Variants in SUPT3H observed in about 807,000 individuals in gnomAD.
SUPT3H encodes SPT3 homolog, SAGA and STAGA complex component.
Under a neutral mutation model 44.3 loss-of-function variants are expected in SUPT3H, and 44 were observed. The observed-to-expected ratio is 0.99, with a 90% CI of 0.78 to 1.28. The LOEUF (loss-of-function observed/expected upper bound fraction) is 1.28, where lower values mean the gene tolerates loss of function less well. Ranked by LOEUF, SUPT3H falls within the 50% of genes most tolerant of loss-of-function variation. The pLI is 0.00. For synonymous variants in SUPT3H, 124 were observed against 125.6 expected (o/e 0.99, Z 0.09); for missense variants, 380 against 387.1 (o/e 0.98, Z 0.15).
In SUPT3H at chr6:45,321,672, G is replaced by A. The variant is rs528426780; in HGVS notation, c.101+43529C>T. On this transcript the variant is annotated intron_variant, in intron 2 of 10. Transcript: ENST00000371459. The stretch of plus-strand genomic sequence containing the variant: ...ACCAATCAAGTTTCACATGCATGTT[G>A]ATTTCTGACAGGTAAGCACCAGATC... The A allele has an allele frequency of 8.9e-6, 6 of 675,874 alleles. No individual in the cohort carries two copies. The African/African-American group carries it at 1.1e-4, about 13-fold the overall frequency. 41.9% of individuals were successfully genotyped at this position (675,874 alleles called of 1,614,324 possible).
intron 4 of SUPT3H, among the ~76,000 whole-genome samples, chr6:45,018,654 G>C (rs936013686): frequency 2.0e-5 from 3 of 151,958 alleles, no homozygotes; most frequent in Non-Finnish European, 1.5e-5. Flanking sequence ...TACATTTATT[G>C]ATTTGCGTAT....
At chr6:45,373,397 T>C (rs147995677) in intron 1 of SUPT3H, among the ~76,000 whole-genome samples, 177 of 152,258 alleles carry the variant, frequency 1.2e-3, no homozygotes, top group African/African-American at 4.0e-3. Context: ...TGGGAATATG[T>C]TTGGATAAAT....
chr6:45,325,354 T>C (rs958645542), intron 2 of SUPT3H, among the ~76,000 whole-genome samples: 1 of 151,802 alleles, frequency 6.6e-6, no homozygotes, highest in Non-Finnish European at 1.5e-5. Context: ...AAATAAAAAA[T>C]TACTCAAATG....
chr6:45,026,428 T>TAGC (rs1786012012), intron 3 of SUPT3H, among the ~76,000 whole-genome samples: 1 of 6,278 alleles, frequency 1.6e-4, no homozygotes. Context: ...CTTTAATTAC[T>TAGC]AGTAGAATTA....
intron 2 of SUPT3H, among the ~76,000 whole-genome samples, chr6:45,180,003 A>G (rs1584077114): frequency 2.0e-5 from 3 of 152,198 alleles, no homozygotes; most frequent in South Asian, 2.1e-4. Context: ...TAAGCTGATA[A>G]GCAACTTCAG....
At chr6:45,022,611 G>A (rs1785323538) in intron 3 of SUPT3H, among the ~76,000 whole-genome samples, 1 of 151,682 alleles carries the variant, frequency 6.6e-6, no homozygotes, top group Non-Finnish European at 1.5e-5. Flanking sequence ...TGTCTGCCTT[G>A]GACCTCTGCC....
At chr6:45,157,159 T>C (rs1471677280) in intron 2 of SUPT3H, among the ~76,000 whole-genome samples, 1 of 152,138 alleles carries the variant, frequency 6.6e-6, no homozygotes, top group Non-Finnish European at 1.5e-5. Flanking sequence ...ATGGACTATG[T>C]TTATATACAA....
At chr6:44,995,542 C>G (rs978905758) in intron 6 of SUPT3H, among the ~76,000 whole-genome samples, 1 of 152,070 alleles carries the variant, frequency 6.6e-6, no homozygotes, top group Non-Finnish European at 1.5e-5. Flanking sequence ...GTATTTCAAT[C>G]TGGCAACAAG....
chr6:44,886,733 C>T (rs1762354430), intron 10 of SUPT3H, among the ~76,000 whole-genome samples: 1 of 152,132 alleles, frequency 6.6e-6, no homozygotes, highest in South Asian at 2.1e-4. Context: ...CACCAGCTAA[C>T]ATCATAATGA....
intron 2 of SUPT3H, among the ~76,000 whole-genome samples, chr6:45,179,676 C>G (rs1379275324): frequency 6.6e-6 from 1 of 152,158 alleles, no homozygotes; most frequent in African/African-American, 2.4e-5. Flanking sequence ...CAAAATTCAA[C>G]AACGCTTCAT....
chr6:45,236,170 GCA>G (rs1769080465), intron 2 of SUPT3H, among the ~76,000 whole-genome samples: 1 of 152,136 alleles, frequency 6.6e-6, no homozygotes, highest in African/African-American at 2.4e-5. Flanking sequence ...CTATATTTGT[GCA>G]TATGTCTTTA....
intron 6 of SUPT3H, among the ~76,000 whole-genome samples, chr6:44,988,580 G>A (rs565255207): frequency 5.9e-5 from 8 of 135,690 alleles, no homozygotes; most frequent in African/African-American, 8.2e-5. Flanking sequence ...TAAGATGAAA[G>A]TTTACAACAC....
At chr6:45,226,046 G>A (rs1437951735) in intron 2 of SUPT3H, among the ~76,000 whole-genome samples, 1 of 152,140 alleles carries the variant, frequency 6.6e-6, no homozygotes, top group Non-Finnish European at 1.5e-5. Context: ...CCTCAGATAT[G>A]TAAGAATAAG....
At chr6:44,949,236 G>A (rs1024551642) in intron 9 of SUPT3H, among the ~76,000 whole-genome samples, 2 of 151,798 alleles carry the variant, frequency 1.3e-5, no homozygotes, top group Non-Finnish European at 2.9e-5. Context: ...ACCAGGGCCC[G>A]TTGTGGGGTG....
At chr6:44,889,664 A>T (rs1762955756) in intron 10 of SUPT3H, among the ~76,000 whole-genome samples, 1 of 152,224 alleles carries the variant, frequency 6.6e-6, no homozygotes, top group Non-Finnish European at 1.5e-5. Context: ...AAACCCTAGA[A>T]GAAAACCTAG....
intron 2 of SUPT3H, among the ~76,000 whole-genome samples, chr6:45,229,442 T>C (rs1767552280): frequency 6.6e-6 from 1 of 152,154 alleles, no homozygotes; most frequent in Non-Finnish European, 1.5e-5. Flanking sequence ...TGTATTCTAC[T>C]ATAGCAAAAT....
downstream of SUPT3H, among the ~76,000 whole-genome samples, chr6:44,822,159 C>T (rs773916213): frequency 3.9e-5 from 6 of 152,232 alleles, no homozygotes; most frequent in Non-Finnish European, 5.9e-5. Flanking sequence ...TGTAATTTCA[C>T]GGTTCCCCTC....
intron 2 of SUPT3H, among the ~76,000 whole-genome samples, chr6:45,175,755 A>G (rs1390400998): frequency 6.6e-6 from 1 of 152,188 alleles, no homozygotes; most frequent in Non-Finnish European, 1.5e-5. Context: ...ATGGAACCCA[A>G]AGTTTTATGA....
intron 2 of SUPT3H, among the ~76,000 whole-genome samples, chr6:45,123,968 G>T (rs1194336118): frequency 6.6e-6 from 1 of 152,022 alleles, no homozygotes; most frequent in Admixed American, 6.6e-5. Context: ...AATATTCGTG[G>T]TTACACAGGC....
Sources: gnomAD v4.1 joint callset for allele counts (sites outside exome capture counted in the v4.1 genomes callset) on GRCh38, gnomAD v4.1.1 for gene constraint, MANE v1.5 for transcripts, NCBI Gene and HGNC (gene_info 2026-07-23, HGNC 2026-07-21) for gene names.